The following SMIM1 variants were observed in gnomAD, a reference collection of about 807,000 sequenced individuals.
SMIM1 encodes small integral membrane protein 1 (Vel blood group), also known as small integral membrane protein 1.
Under a neutral mutation model 7.7 loss-of-function variants are expected in SMIM1, and 7 were observed. The observed-to-expected ratio is 0.91, with a 90% confidence interval of 0.52 to 1.71. SMIM1 has a LOEUF of 1.71. Ranked by LOEUF, SMIM1 falls within the 40% of genes most tolerant of loss-of-function variation. The pLI is 0.00. For missense variants in SMIM1, 95 were observed against 102.8 expected, an observed-to-expected ratio of 0.92 and a Z score of 0.33; for synonymous variants, 41 against 42.7, an observed-to-expected ratio of 0.96 and a Z score of 0.16.
Position 3,775,803 on chromosome 1 carries a change from A to G in SMIM1, c.119A>G (p.Gln40Arg). Residue 40 changes from glutamine (Q) to arginine (R), a missense_variant, in exon 4 of 4, where the codon CAG becomes CGG. Coordinates refer to ENST00000642557, the MANE Select transcript of SMIM1 (RefSeq NM_001288583.2). The surrounding 1 kb of genome is among the most constrained non-coding windows in gnomAD (Gnocchi z 5.3). ...EEASRCRRIS[Q>R]RLCTGKLGIA... ...GTTGGTTCTCACCCCAGGATCTCCC[A>G]GAGGCTGTGCACGGGCAAGCTGGGC... The G allele has an allele frequency of 6.5e-7, 1 of 1,550,326 alleles. No homozygotes were observed. The highest frequency in any genetic ancestry group is 1.4e-5 in the African/African-American group (1 of 73,172).
intron 1 of SMIM1, 134 bp downstream of exon 1, chr1:3,772,922 C>T (rs1643400657): frequency 6.6e-6 from 1 of 152,298 alleles, no homozygotes; most frequent in South Asian, 2.1e-4. Context: ...CGGCCTAACC[C>T]GCGGTGCGGG....
At chr1:3,773,012 C>T (rs1322141638) in intron 1 of SMIM1, 51 bp from the exon 2 acceptor site, 1 of 152,290 alleles carries the variant, frequency 6.6e-6, no homozygotes, top group African/African-American at 2.4e-5. Flanking sequence ...GCCACTTTCC[C>T]TTCCCGGCCC....
intron 1 of SMIM1, 128 bp downstream of exon 1, chr1:3,772,916 C>T (rs538989435): frequency 3.3e-5 from 5 of 152,402 alleles, no homozygotes; most frequent in South Asian, 4.1e-4. Context: ...CCCCACCGGC[C>T]TAACCCGCGG....
Position 3,775,670 on chromosome 1 carries a change from T to A in SMIM1, c.111-125T>A. ...TGGTTGGCTGTGGGCGGGGAGAGCT[T>A]CCTCTTGACTCCAGCAGAGCGCCCA... is the stretch of plus-strand genomic sequence containing the variant. On this transcript the variant is annotated intron_variant, in intron 3 of 3. Coordinates refer to ENST00000642557, the MANE Select transcript of SMIM1 (RefSeq NM_001288583.2). The surrounding 1 kb of genome is among the most constrained non-coding windows in gnomAD (Gnocchi z 5.3). The A allele has an allele frequency of 7.2e-7, 1 of 1,391,320 alleles. No individual in the cohort carries two copies. Among genetic ancestry groups the A allele is most frequent in the Non-Finnish European group, 9.5e-7 (1 of 1,052,232 alleles). 86.2% of individuals were successfully genotyped at this position (1,391,320 alleles called of 1,614,324 possible). A position where few individuals can be genotyped will look rare whatever the true frequency, so the allele number is the denominator to read the frequency against.
intron 2 of SMIM1, among the ~76,000 whole-genome samples, chr1:3,773,597 C>G (rs1012734324): frequency 5.3e-5 from 8 of 152,150 alleles, no homozygotes; most frequent in Non-Finnish European, 7.4e-5. Context: ...TGTCGGGTTG[C>G]AAGGCGGCTG....
chr1:3,775,224 A>C lies in SMIM1; in HGVS notation c.-75-75A>C. On this transcript the variant is annotated intron_variant, in intron 2 of 3. Transcript: ENST00000642557. This position sits in a 1 kb window ranked among gnomAD's most constrained non-coding sequence, Gnocchi z 5.3. ...GACCCGGTGAGGGAGTCAGCCCCCG[A>C]CCCTTAGTGCCCCTCTCCTAACAGC... The C allele has an allele frequency of 1.7e-6, 1 of 575,528 alleles. No individual in the cohort carries two copies. Among genetic ancestry groups the C allele is most frequent in the South Asian group, 2.1e-5 (1 of 46,844 alleles). 35.7% of individuals were successfully genotyped at this position (575,528 alleles called of 1,614,324 possible). A position where few individuals can be genotyped will look rare whatever the true frequency, so the allele number is the denominator to read the frequency against.
chr1:3,775,593 T>G lies in SMIM1; in HGVS notation c.110+110T>G. 7.7e-7 allele frequency: 1 copy of G among 1,293,068 alleles called. No homozygotes were observed. The highest frequency in any genetic ancestry group is 1.5e-5 in the African/African-American group (1 of 67,350). 80.1% of individuals were successfully genotyped at this position (1,293,068 alleles called of 1,614,324 possible). ...CCATCACCCTCCACCCCATCCTGGC[T>G]GGGAGCCCACGGTCCAGCAGCTCAG... On this transcript the variant is annotated intron_variant, in intron 3 of 3. Coordinates refer to ENST00000642557, the MANE Select transcript of SMIM1 (RefSeq NM_001288583.2). The surrounding 1 kb of genome is among the most constrained non-coding windows in gnomAD (Gnocchi z 5.3).
At position 3,775,616 on chromosome 1, in the gene SMIM1, C is replaced by T; in HGVS notation, c.110+133C>T. On this transcript the variant is annotated intron_variant, in intron 3 of 3. Coordinates refer to ENST00000642557, the MANE Select transcript of SMIM1 (RefSeq NM_001288583.2). This position sits in a 1 kb window ranked among gnomAD's most constrained non-coding sequence, Gnocchi z 5.3. ...GCTGGGAGCCCACGGTCCAGCAGCTCAGCAAACCGCAGCCTTTGGCCTTCC... is the reference window on the plus strand; with the variant it reads ...GCTGGGAGCCCACGGTCCAGCAGCTTAGCAAACCGCAGCCTTTGGCCTTCC... 1 of 1,272,836 alleles carries T rather than the reference C, an allele frequency of 7.9e-7. No homozygotes were observed. The highest frequency in any genetic ancestry group is 1.1e-6 in the Non-Finnish European group (1 of 942,128). The allele number at this position is 1,272,836 out of a possible 1,614,324, so 78.8% of individuals were successfully genotyped here.
intron 1 of SMIM1, 129 bp downstream of exon 1, chr1:3,772,917 T>C (rs1235179338): frequency 1.3e-5 from 2 of 152,222 alleles, no homozygotes; most frequent in Admixed American, 1.3e-4. Context: ...CCCACCGGCC[T>C]AACCCGCGGT....
At chr1:3,773,931 G>A (rs1025956738) in intron 2 of SMIM1, among the ~76,000 whole-genome samples, 8 of 152,220 alleles carry the variant, frequency 5.3e-5, no homozygotes, top group African/African-American at 1.9e-4. Flanking sequence ...GGGCCTCTCC[G>A]GGCCTGAGTG....
intron 2 of SMIM1, among the ~76,000 whole-genome samples, chr1:3,773,567 C>T (rs1392998724): frequency 6.6e-6 from 1 of 152,102 alleles, no homozygotes; most frequent in Non-Finnish European, 1.5e-5. Context: ...TCAGCACTCC[C>T]GAGACTAATG....
In SMIM1 at chr1:3,775,099, G is replaced by A. The variant is rs1401588974; in HGVS notation, c.-75-200G>A. Among the ~76,000 whole-genome samples the A allele has an allele frequency of 6.6e-6, 1 of 152,088 alleles. No homozygotes were observed. Among genetic ancestry groups the A allele is most frequent in the Non-Finnish European group, 1.5e-5 (1 of 68,030 alleles). ...CCCACATGCCTGAGGTCAGGGCTTG[G>A]CCTGAGATGGAATTCTCGCTTGGTC... On this transcript the variant is annotated intron_variant, in intron 2 of 3. Coordinates refer to ENST00000642557, the MANE Select transcript of SMIM1 (RefSeq NM_001288583.2). The surrounding 1 kb of genome is among the most constrained non-coding windows in gnomAD (Gnocchi z 5.3).
At chr1:3,773,962 G>T (rs1227368721) in intron 2 of SMIM1, among the ~76,000 whole-genome samples, 1 of 152,150 alleles carries the variant, frequency 6.6e-6, no homozygotes, top group Non-Finnish European at 1.5e-5. Context: ...CTGAGCCAGG[G>T]CTCCCACCGA....
chr1:3,775,810 G>A lies in SMIM1; in HGVS notation c.126G>A (p.Leu42=), dbSNP rs1201101676. 2.3e-5 allele frequency: 36 copies of A among 1,550,386 alleles called. No individual in the cohort carries two copies. The highest frequency in any genetic ancestry group is 3.0e-5 in the Non-Finnish European group (34 of 1,146,902). ...CTCACCCCAGGATCTCCCAGAGGCT[G>A]TGCACGGGCAAGCTGGGCATCGCCA... The part of the protein sequence containing the change: ...ASRCRRISQR[L]CTGKLGIAMK... The change falls in exon 4 of 4, where the codon CTG becomes CTA. Residue 42 remains leucine, a synonymous_variant. Transcript: ENST00000642557. The surrounding 1 kb of genome is among the most constrained non-coding windows in gnomAD (Gnocchi z 5.3).
rs1042467204 is a variant in SMIM1 at position 3,775,156 on chromosome 1, C to T, written c.-75-143C>T. 2.5e-5 allele frequency: 12 copies of T among 476,976 alleles called. No homozygotes were observed. Among genetic ancestry groups the T allele is most frequent in the African/African-American group, 2.2e-4 (11 of 51,122 alleles). The allele number at this position is 476,976 out of a possible 1,614,324, so 29.5% of individuals were successfully genotyped here. A position where few individuals can be genotyped will look rare whatever the true frequency, so the allele number is the denominator to read the frequency against. ...TCCCGGCCTGACCCTGGGCAAATGACTCTACCACTTTGTGTCTAGGTCACC... is the reference window on the plus strand; with the variant it reads ...TCCCGGCCTGACCCTGGGCAAATGATTCTACCACTTTGTGTCTAGGTCACC... On this transcript the variant is annotated intron_variant, in intron 2 of 3. Coordinates refer to ENST00000642557, the MANE Select transcript of SMIM1 (RefSeq NM_001288583.2). This position sits in a 1 kb window ranked among gnomAD's most constrained non-coding sequence, Gnocchi z 5.3.
At position 3,775,494 on chromosome 1, in the gene SMIM1, T is replaced by C. The variant is rs1022548301; in HGVS notation, c.110+11T>C. 31 of 1,545,896 alleles carry C rather than the reference T, an allele frequency of 2.0e-5. No homozygotes were observed. The African/African-American group carries it at 3.3e-4, about 16-fold the overall frequency. On this transcript the variant is annotated intron_variant, in intron 3 of 3. Transcript: ENST00000642557. This position sits in a 1 kb window ranked among gnomAD's most constrained non-coding sequence, Gnocchi z 5.3. ...CTCACGCTGCCGCAGGTGAGGGGCC[T>C]GAGGGCAGCCTGCCAGCCATAGCAG...
At chr1:3,774,889 G>A (rs1409882250) in intron 2 of SMIM1, among the ~76,000 whole-genome samples, 1 of 141,002 alleles carries the variant, frequency 7.1e-6, no homozygotes, top group Non-Finnish European at 1.6e-5. Flanking sequence ...CCCCTGGCCA[G>A]CCTCCCCAGA....
In SMIM1 at chr1:3,775,336, C is replaced by G; in HGVS notation, c.-38C>G. On this transcript the variant is annotated 5_prime_UTR_variant, in exon 3 of 4. Coordinates refer to ENST00000642557, the MANE Select transcript of SMIM1 (RefSeq NM_001288583.2). This position sits in a 1 kb window ranked among gnomAD's most constrained non-coding sequence, Gnocchi z 5.3. The stretch of plus-strand genomic sequence containing the variant: ...CTGGCCACCTGTCTTGATCTCCCCA[C>G]CGAGAAGGCCCCGCCCCTCCCGCTG... 1 of 1,503,482 alleles carries G rather than the reference C, an allele frequency of 6.7e-7. No homozygotes were observed. The allele number at this position is 1,503,482 out of a possible 1,614,324, so 93.1% of individuals were successfully genotyped here.
intron 2 of SMIM1, among the ~76,000 whole-genome samples, chr1:3,774,293 C>T (rs1187256689): frequency 6.6e-6 from 1 of 152,170 alleles, no homozygotes; most frequent in Non-Finnish European, 1.5e-5. Context: ...AGAGCTGACC[C>T]CAGTCCCACA....
Sources: allele counts gnomAD v4.1 joint callset (sites outside exome capture counted in the v4.1 genomes callset), GRCh38; gene constraint gnomAD v4.1.1; non-coding constraint Gnocchi (gnomAD v3.1); transcripts MANE v1.5; gene names NCBI Gene and HGNC (gene_info 2026-07-23, HGNC 2026-07-21).